The following SLC22A9 variants were observed in gnomAD, a reference collection of about 807,000 sequenced individuals.
The protein encoded by SLC22A9 is solute carrier family 22 member 9, also known as organic anion transporter 7.
SLC22A9 carries 64 observed loss-of-function variants against 50.1 expected under a neutral mutation model. The ratio of observed to expected loss-of-function variants is 1.28; its 90% confidence interval spans 1.04 to 1.57. The LOEUF is 1.57. Ranked by LOEUF, SLC22A9 falls within the 40% of genes most tolerant of loss-of-function variation. SLC22A9 has a pLI of 0.00. For missense variants in SLC22A9, 757 were observed against 676.1 expected, an observed-to-expected ratio of 1.12 and a Z score of -1.33; for synonymous variants, 261 against 242.5, an observed-to-expected ratio of 1.08 and a Z score of -0.71.
At chr11:63,398,706 G>A (rs555934207) in intron 6 of SLC22A9, among the ~76,000 whole-genome samples, 2,155 of 152,258 alleles carry the variant, frequency 0.014, 54 homozygotes, top group African/African-American at 0.049. Context: ...AGATGGGCAG[G>A]GTTGGCACTG....
At chr11:63,381,403 T>A (rs2014557840) in intron 5 of SLC22A9, among the ~76,000 whole-genome samples, 1 of 152,176 alleles carries the variant, frequency 6.6e-6, no homozygotes, top group Non-Finnish European at 1.5e-5. Context: ...ATTCCATAAC[T>A]GAACTTACCT....
chr11:63,371,241 G>A lies in SLC22A9; in HGVS notation c.506+3G>A, dbSNP rs2014354452. ...CTAGGCGGTCATTTATCAGACAGGT[G>A]AGTGTGTATGGAACACAGCTCTCTT... On this transcript the variant is annotated splice_donor_region_variant and intron_variant, in intron 2 of 9. Transcript: ENST00000279178. 1 of 1,603,328 alleles carries A rather than the reference G, an allele frequency of 6.2e-7. No individual in the cohort carries two copies. Among genetic ancestry groups the A allele is most frequent in the African/African-American group, 1.3e-5 (1 of 74,682 alleles).
At chr11:63,380,158 A>T (rs945467818) in intron 5 of SLC22A9, among the ~76,000 whole-genome samples, 1 of 152,248 alleles carries the variant, frequency 6.6e-6, no homozygotes, top group African/African-American at 2.4e-5. Flanking sequence ...CACCTGTCAG[A>T]ATAGCAATTA....
chr11:63,406,771 A>T, intron 7 of SLC22A9, 60 bp downstream of exon 7: 1 of 1,540,330 alleles, frequency 6.5e-7, no homozygotes, highest in Non-Finnish European at 8.8e-7. Context: ...CAGGGATTGT[A>T]CTTGTCACAC....
At chr11:63,372,287 A>C (rs2014374242) in intron 2 of SLC22A9, among the ~76,000 whole-genome samples, 1 of 151,870 alleles carries the variant, frequency 6.6e-6, no homozygotes, top group Admixed American at 6.6e-5. Flanking sequence ...ATTGTTTTGG[A>C]ATAACTCACT....
chr11:63,408,595 T>C (rs1327235970), intron 8 of SLC22A9, 81 bp from the exon 9 acceptor site: 17 of 1,298,030 alleles, frequency 1.3e-5, no homozygotes, highest in Admixed American at 3.8e-5. Flanking sequence ...TGTTCCCCCA[T>C]AATTAGAGCA....
At chr11:63,406,749 T>C (rs202149584) in intron 7 of SLC22A9, 38 bp downstream of exon 7, 2 of 1,597,662 alleles carry the variant, frequency 1.3e-6, no homozygotes, top group Non-Finnish European at 1.7e-6. Context: ...GAAATGCCTT[T>C]GCCTCTTTTC....
At chr11:63,385,563 T>C (rs927767854) in intron 6 of SLC22A9, among the ~76,000 whole-genome samples, 4 of 152,088 alleles carry the variant, frequency 2.6e-5, no homozygotes, top group African/African-American at 9.7e-5. Context: ...CAATTGTGAA[T>C]GGGAGTTTAT....
Position 63,410,173 on chromosome 11 carries a change from T to C in SLC22A9, c.*311T>C, listed in dbSNP as rs1416534615. ...AGGAGAATTACTTGAACCCAGGAGG[T>C]GGAAATTGCAATGAGCCAAGATTGG... On this transcript the variant is annotated 3_prime_UTR_variant, in exon 10 of 10. Coordinates refer to ENST00000279178, the MANE Select transcript of SLC22A9 (RefSeq NM_080866.3). 6.5e-6 allele frequency: 1 copy of C among 154,346 alleles called. No homozygotes were observed. Among genetic ancestry groups the C allele is most frequent in the South Asian group, 1.6e-4 (1 of 6,364 alleles). 9.6% of individuals were successfully genotyped at this position (154,346 alleles called of 1,614,324 possible). A position where few individuals can be genotyped will look rare whatever the true frequency, so the allele number is the denominator to read the frequency against.
intron 6 of SLC22A9, among the ~76,000 whole-genome samples, chr11:63,402,285 G>A (rs149015914): frequency 2.7e-4 from 41 of 152,106 alleles, no homozygotes; most frequent in Non-Finnish European, 5.0e-4. Flanking sequence ...GTTGAATTTT[G>A]TATATGGTCA....
At chr11:63,392,262 GTGTTATAC>G (rs1281139538) in intron 6 of SLC22A9, among the ~76,000 whole-genome samples, 2 of 151,942 alleles carry the variant, frequency 1.3e-5, no homozygotes, top group African/African-American at 2.4e-5. Flanking sequence ...CACAATTACA[GTGTTATAC>G]TATTCTGTGT....
At chr11:63,380,714 G>C (rs1374731696) in intron 5 of SLC22A9, among the ~76,000 whole-genome samples, 1 of 152,114 alleles carries the variant, frequency 6.6e-6, no homozygotes, top group Non-Finnish European at 1.5e-5. Flanking sequence ...AAGATGTAAG[G>C]AGGTAAGAAG....
intron 6 of SLC22A9, among the ~76,000 whole-genome samples, chr11:63,400,630 T>C (rs981173511): frequency 6.6e-6 from 1 of 151,938 alleles, no homozygotes; most frequent in African/African-American, 2.4e-5. Context: ...TTTGAGAAAA[T>C]AAAGGAGGTG....
At chr11:63,381,983 G>A (rs61927995) in intron 5 of SLC22A9, among the ~76,000 whole-genome samples, 176 bp from the exon 6 acceptor site, 2,984 of 152,090 alleles carry the variant, frequency 0.02, 44 homozygotes, top group Middle Eastern at 0.058. Flanking sequence ...CTGCTTTAAC[G>A]TCCTAATTCA....
intron 7 of SLC22A9, 28 bp downstream of exon 7, chr11:63,406,739 G>GAAAT (rs2015047696): frequency 6.2e-7 from 1 of 1,606,422 alleles, no homozygotes; most frequent in African/African-American, 1.3e-5. Context: ...GTGGAAGAGA[G>GAAAT]AAATGCCTTT....
At chr11:63,404,602 A>C (rs1310317929) in intron 6 of SLC22A9, among the ~76,000 whole-genome samples, 1 of 152,024 alleles carries the variant, frequency 6.6e-6, no homozygotes, top group Admixed American at 6.6e-5. Context: ...GTGGTTAAAA[A>C]CCCTGCCCTA....
intron 6 of SLC22A9, among the ~76,000 whole-genome samples, chr11:63,384,922 C>A (rs368912968): frequency 6.6e-6 from 1 of 152,022 alleles, no homozygotes; most frequent in African/African-American, 2.4e-5. Context: ...TGTTTGTTAG[C>A]CACATGAACG....
intron 6 of SLC22A9, among the ~76,000 whole-genome samples, chr11:63,387,532 C>A (rs1200466989): frequency 6.6e-6 from 1 of 152,018 alleles, no homozygotes; most frequent in Non-Finnish European, 1.5e-5. Context: ...TATGTCTGTA[C>A]CATGCTGTTT....
intron 2 of SLC22A9, among the ~76,000 whole-genome samples, chr11:63,372,935 T>C (rs1005379299): frequency 6.6e-6 from 1 of 152,070 alleles, no homozygotes. Context: ...ATAGTTCAAA[T>C]CACTAATGTT....
Sources: allele counts gnomAD v4.1 joint callset (sites outside exome capture counted in the v4.1 genomes callset), GRCh38; gene constraint gnomAD v4.1.1; transcripts MANE v1.5; gene names NCBI Gene and HGNC (gene_info 2026-07-23, HGNC 2026-07-21).